NSF: variants seen among roughly 807,000 people sequenced by gnomAD.
NSF encodes the protein vesicle-fusing ATPase.
Under a neutral mutation model 50.3 loss-of-function variants are expected in NSF, and 14 were observed. The observed-to-expected ratio is 0.28, with a 90% CI of 0.18 to 0.44. The LOEUF (loss-of-function observed/expected upper bound fraction) is 0.44. NSF is among the 20% of genes least tolerant of loss of function. The pLI, the probability that NSF is intolerant of heterozygous loss-of-function variation, is 1.00. For missense variants in NSF, 218 were observed against 504.3 expected (o/e 0.43, Z 5.44); for synonymous variants, 109 against 175.7 (o/e 0.62, Z 3.00).
In NSF at chr17:46,659,445, ATTAATTTACTATCTAG is replaced by A. The variant is rs2058281928; in HGVS notation, c.746-14962_746-14947del. Among the ~76,000 whole-genome samples the A allele has an allele frequency of 2.6e-5, 3 of 116,390 alleles. 1 individual carries two copies. In the South Asian group the frequency reaches 8.6e-4, roughly 33 times the overall value. The allele number at this position is 116,390 out of a possible 152,430, so 76.4% of individuals were successfully genotyped here. On this transcript the variant is annotated intron_variant, in intron 8 of 20. Transcript: ENST00000398238. Reference sequence around the variant, plus strand: ...TCCAAGATGCTTCTTTTCTAATGAAATTAATTTACTATCTAGTTAATTCACTAGCTCTATTTTATAC... The same window carrying A: ...TCCAAGATGCTTCTTTTCTAATGAAATTAATTCACTAGCTCTATTTTATAC...
intron 17 of NSF, among the ~76,000 whole-genome samples, chr17:46,732,187 A>T (rs199695044): frequency 1.3e-5 from 2 of 152,234 alleles, no homozygotes; most frequent in African/African-American, 2.4e-5. Flanking sequence ...TATACACTAC[A>T]GTAATCATAT....
chr17:46,679,692 CA>C (rs140927640), intron 9 of NSF, among the ~76,000 whole-genome samples: 32 of 101,504 alleles, frequency 3.2e-4, no homozygotes, highest in East Asian at 2.1e-3. Flanking sequence ...AACTCCATGT[CA>C]AAAAAAAAAA....
chr17:46,605,715 T>TA (rs528349065), intron 1 of NSF, among the ~76,000 whole-genome samples: 1,290 of 35,890 alleles, frequency 0.036, 3 homozygotes, highest in African/African-American at 0.11. Flanking sequence ...TCCTGAAGGC[T>TA]AAAAAAAAAA....
At chr17:46,635,732 T>C (rs2058178661) in intron 4 of NSF, among the ~76,000 whole-genome samples, 1 of 119,736 alleles carries the variant, frequency 8.4e-6, no homozygotes, top group Non-Finnish European at 1.9e-5. Flanking sequence ...GGGCCATTGG[T>C]AAATTTTAGG....
At chr17:46,679,430 G>T (rs1363157061) in intron 9 of NSF, among the ~76,000 whole-genome samples, 4 of 133,322 alleles carry the variant, frequency 3.0e-5, no homozygotes, top group Non-Finnish European at 4.7e-5. Context: ...AAACGTTTGG[G>T]AAGTAGATTA....
intron 14 of NSF, among the ~76,000 whole-genome samples, chr17:46,712,865 A>G (rs1391024784): frequency 6.6e-6 from 1 of 152,208 alleles, no homozygotes; most frequent in Non-Finnish European, 1.5e-5. Flanking sequence ...AAGAAAAGAA[A>G]CATATTTTAA....
At chr17:46,601,855 G>C (rs2057913674) in intron 1 of NSF, among the ~76,000 whole-genome samples, 1 of 150,416 alleles carries the variant, frequency 6.6e-6, no homozygotes, top group Non-Finnish European at 1.5e-5. Flanking sequence ...TGAATTCTGG[G>C]AACAACTTAA....
chr17:46,713,711 G>A, intron 14 of NSF, 142 bp from the exon 15 acceptor site: 1 of 699,780 alleles, frequency 1.4e-6, no homozygotes. Context: ...GAGAAAACAT[G>A]TCTGCTGTGA....
intron 19 of NSF, 149 bp from the exon 20 acceptor site, chr17:46,755,165 G>T: frequency 1.6e-6 from 1 of 641,684 alleles, no homozygotes; most frequent in East Asian, 2.7e-5. Flanking sequence ...TGTTTTGTGT[G>T]AGAATGCTGG....
At chr17:46,749,011 G>A (rs997716192) in intron 17 of NSF, among the ~76,000 whole-genome samples, 1 of 152,274 alleles carries the variant, frequency 6.6e-6, no homozygotes. Context: ...GGGAAGGGGG[G>A]TAGTGCAAAA....
At chr17:46,695,547 CCACCTGTA>C (rs2058588447) in intron 12 of NSF, among the ~76,000 whole-genome samples, 2 of 100,500 alleles carry the variant, frequency 2.0e-5, no homozygotes, top group African/African-American at 4.3e-5. Context: ...GTTTTAGTTA[CCACCTGTA>C]GACAGATTTA....
At chr17:46,744,358 A>G (rs78828295) in intron 17 of NSF, among the ~76,000 whole-genome samples, 1 of 152,364 alleles carries the variant, frequency 6.6e-6, no homozygotes, top group African/African-American at 2.4e-5. Context: ...ATCAGATTCT[A>G]CTAAGCAGAA....
At chr17:46,744,573 G>A (rs2059109063) in intron 17 of NSF, among the ~76,000 whole-genome samples, 1 of 151,978 alleles carries the variant, frequency 6.6e-6, no homozygotes, top group Non-Finnish European at 1.5e-5. Context: ...GTTGAAATCA[G>A]CCCTTCCATT....
intron 17 of NSF, among the ~76,000 whole-genome samples, chr17:46,744,441 G>A (rs1271572827): frequency 6.6e-6 from 1 of 152,112 alleles, no homozygotes; most frequent in African/African-American, 2.4e-5. Flanking sequence ...ATCCATTTCA[G>A]GGTTTTCAAT....
In NSF at chr17:46,753,747, C is replaced by T. The variant is rs183369590; in HGVS notation, c.2158-1567C>T. Among the ~76,000 whole-genome samples, 26 of 152,232 alleles carry T rather than the reference C, an allele frequency of 1.7e-4. No homozygotes were observed. In the East Asian group the frequency reaches 4.6e-3, roughly 27 times the overall value. ...TGTGGGATAGAGAGTGAGAGTGGGG[C>T]ACTCAGGCCTGATCTTCAGCGACTG... On this transcript the variant is annotated intron_variant, in intron 19 of 20. Coordinates refer to ENST00000398238, the MANE Select transcript of NSF (RefSeq NM_006178.4).
intron 17 of NSF, among the ~76,000 whole-genome samples, chr17:46,740,550 C>T (rs955015550): frequency 6.6e-6 from 1 of 151,990 alleles, no homozygotes; most frequent in African/African-American, 2.4e-5. Context: ...TTTGGATTTG[C>T]TGATTAATGT....
chr17:46,631,084 A>ACACACACACACACG (rs1568018519), intron 4 of NSF, among the ~76,000 whole-genome samples: 7 of 145,672 alleles, frequency 4.8e-5, no homozygotes, highest in East Asian at 4.0e-4. Flanking sequence ...ACACACACAC[A>ACACACACACACACG]CACACACACA....
intron 17 of NSF, among the ~76,000 whole-genome samples, chr17:46,737,572 C>CAT (rs1477899439): frequency 6.8e-6 from 1 of 147,172 alleles, no homozygotes; most frequent in Non-Finnish European, 1.5e-5. Context: ...GGTGTGTGTG[C>CAT]GTGTGTGTGT....
chr17:46,685,517 C>A (rs1375756053), intron 9 of NSF, among the ~76,000 whole-genome samples: 1 of 151,854 alleles, frequency 6.6e-6, no homozygotes, highest in South Asian at 2.1e-4. Context: ...ATAGAACAGC[C>A]GCTTTTGAAA....
Sources: gnomAD v4.1 joint callset for allele counts (sites outside exome capture counted in the v4.1 genomes callset) on GRCh38, gnomAD v4.1.1 for gene constraint, MANE v1.5 for transcripts, NCBI Gene and HGNC (gene_info 2026-07-23, HGNC 2026-07-21) for gene names.